FBN1: variants seen among roughly 807,000 people sequenced by gnomAD.
FBN1 encodes the protein fibrillin 1.
A neutral mutation model predicts 365.1 loss-of-function variants in FBN1; 29 were observed. That is an observed-to-expected ratio of 0.08 (90% CI 0.06 to 0.11). The LOEUF (loss-of-function observed/expected upper bound fraction) is 0.11. Ranked by LOEUF, FBN1 falls within the 10% of genes least tolerant of loss-of-function variation. FBN1 has a pLI of 1.00. For synonymous variants in FBN1, 1,210 were observed against 1,270.5 expected (o/e 0.95, Z 1.01); for missense variants, 2,476 against 3,703.2 (o/e 0.67, Z 8.60).
intron 7 of FBN1, 65 bp downstream of exon 7, chr15:48,537,546 T>C: frequency 3.8e-6 from 6 of 1,582,422 alleles, no homozygotes; most frequent in East Asian, 2.2e-5. Flanking sequence ...TTCAACTTCA[T>C]TGGAGAATGG....
At position 48,428,544 on chromosome 15, in the gene FBN1, C is replaced by T; in HGVS notation, c.6872-73G>A. ...ATTTTATAGAGGATGGAGCTCCTTC[C>T]TTCGTTCCTTCCTTCCTCCCTCCCT... On this transcript the variant is annotated intron_variant, in intron 56 of 65. Coordinates refer to ENST00000316623, the MANE Select transcript of FBN1 (RefSeq NM_000138.5). The T allele has an allele frequency of 3.2e-6, 5 of 1,544,550 alleles. No homozygotes were observed. The South Asian group carries it at 5.6e-5, about 17-fold the overall frequency.
chr15:48,572,396 C>T (rs1196273593), intron 6 of FBN1, among the ~76,000 whole-genome samples: 1 of 151,842 alleles, frequency 6.6e-6, no homozygotes. Context: ...AAAGGCCAAC[C>T]AAGTTTTCAA....
intron 40 of FBN1, 132 bp from the exon 41 acceptor site, chr15:48,464,153 A>G (rs2043302359): frequency 2.4e-6 from 2 of 827,888 alleles, no homozygotes; most frequent in Admixed American, 2.0e-5. Context: ...GAAAATAGGT[A>G]TTTCATTCAT....
chr15:48,637,926 G>A (rs777062128), intron 2 of FBN1, among the ~76,000 whole-genome samples: 4 of 152,154 alleles, frequency 2.6e-5, no homozygotes, highest in Admixed American at 6.5e-5. Flanking sequence ...GCTGCTGTAG[G>A]GAGAAAGCAG....
chr15:48,526,686 T>C (rs2043917849), intron 8 of FBN1, among the ~76,000 whole-genome samples: 1 of 152,192 alleles, frequency 6.6e-6, no homozygotes, highest in African/African-American at 2.4e-5. Flanking sequence ...ACAACGCGGA[T>C]ACTGGAATCC....
In FBN1 at chr15:48,441,704, C is replaced by G. The variant is rs1019459140; in HGVS notation, c.6163+17G>C. ...AACATGCAGCATTGAAAGCCCAAAG[C>G]CTTCAAAGACACTTACCTTGGCACC... On this transcript the variant is annotated intron_variant, in intron 50 of 65. Coordinates refer to ENST00000316623, the MANE Select transcript of FBN1 (RefSeq NM_000138.5). 9.9e-6 allele frequency: 16 copies of G among 1,613,294 alleles called. No individual in the cohort carries two copies. Among genetic ancestry groups the G allele is most frequent in the Non-Finnish European group, 1.3e-5 (15 of 1,179,514 alleles).
At chr15:48,461,510 AAAT>A (rs2043280100) in intron 42 of FBN1, among the ~76,000 whole-genome samples, 1 of 152,232 alleles carries the variant, frequency 6.6e-6, no homozygotes, top group African/African-American at 2.4e-5. Flanking sequence ...CAGCTCAGAA[AAAT>A]AATAAATGTA....
At chr15:48,486,518 C>T (rs966475770) in intron 29 of FBN1, among the ~76,000 whole-genome samples, 11 of 152,230 alleles carry the variant, frequency 7.2e-5, no homozygotes, top group Non-Finnish European at 1.6e-4. Flanking sequence ...TCTTGTCCCA[C>T]AAAAACCCAT....
intron 2 of FBN1, among the ~76,000 whole-genome samples, chr15:48,617,237 C>T (rs1171702407): frequency 1.3e-5 from 2 of 151,928 alleles, no homozygotes; most frequent in African/African-American, 2.4e-5. Flanking sequence ...TGCAACAGTG[C>T]GATCTCGGCT....
At position 48,452,649 on chromosome 15, in the gene FBN1, G is replaced by T; in HGVS notation, c.5458C>A (p.Arg1820Ser). 1 of 1,614,110 alleles carries T rather than the reference G, an allele frequency of 6.2e-7. No individual in the cohort carries two copies. Among genetic ancestry groups the T allele is most frequent in the Non-Finnish European group, 8.5e-7 (1 of 1,179,962 alleles). Residue 1820 changes from arginine (R) to serine (S), a missense_variant, in exon 45 of 66, where the codon CGC becomes AGC. This residue lies in a region of FBN1 where 1,780 missense variants were observed against 2,840.8 expected (regional missense o/e 0.63). Coordinates refer to ENST00000316623, the MANE Select transcript of FBN1 (RefSeq NM_000138.5). ...GCAGTGTTGATGCATTCGGCGTTGC[G>T]CTGGCACACTGGGCCGTTCTGACAC... ...DECQNGPVCQRNAECINTAGS... is the reference protein window; with the variant it reads ...DECQNGPVCQSNAECINTAGS...
chr15:48,471,148 A>G (rs953423565), intron 35 of FBN1, among the ~76,000 whole-genome samples: 10 of 152,004 alleles, frequency 6.6e-5, no homozygotes, highest in South Asian at 2.1e-4. Flanking sequence ...ACAAGCCACA[A>G]TGTCTTTCAG....
intron 4 of FBN1, among the ~76,000 whole-genome samples, chr15:48,610,305 A>G (rs983376141): frequency 6.6e-6 from 1 of 152,206 alleles, no homozygotes; most frequent in African/African-American, 2.4e-5. Flanking sequence ...TCTTCTTGTA[A>G]AGCAGGGGTC....
At chr15:48,508,745 T>C in intron 14 of FBN1, 41 bp from the exon 15 acceptor site, 1 of 1,611,116 alleles carries the variant, frequency 6.2e-7, no homozygotes, top group Non-Finnish European at 8.5e-7. Context: ...ACCAGAAGAG[T>C]AAGCTTACGA....
intron 47 of FBN1, 63 bp from the exon 48 acceptor site, chr15:48,445,567 T>A: frequency 6.4e-7 from 1 of 1,564,364 alleles, no homozygotes; most frequent in South Asian, 1.1e-5. Flanking sequence ...CCAGCAATAA[T>A]CAAAACTTCT....
At chr15:48,621,946 C>T (rs868318163) in intron 2 of FBN1, among the ~76,000 whole-genome samples, 2 of 150,220 alleles carry the variant, frequency 1.3e-5, no homozygotes, top group South Asian at 4.2e-4. Context: ...TGCAGTGAGC[C>T]GAGATTGTGC....
intron 2 of FBN1, among the ~76,000 whole-genome samples, chr15:48,631,038 C>T (rs922389549): frequency 3.3e-5 from 5 of 152,144 alleles, no homozygotes; most frequent in Non-Finnish European, 1.5e-5. Flanking sequence ...ATGTAGGGTG[C>T]AGCGTATAGG....
intron 6 of FBN1, among the ~76,000 whole-genome samples, chr15:48,558,368 G>C (rs1371815651): frequency 6.6e-6 from 1 of 152,066 alleles, no homozygotes; most frequent in Admixed American, 6.6e-5. Context: ...CAGGAGAGAG[G>C]GTTTAAATTA....
chr15:48,604,464 G>T (rs1292930195), intron 4 of FBN1, among the ~76,000 whole-genome samples: 5 of 152,188 alleles, frequency 3.3e-5, no homozygotes, highest in Non-Finnish European at 2.9e-5. Context: ...AACAGCAATG[G>T]CATTTCCCTT....
At position 48,644,762 on chromosome 15, in the gene FBN1, C is replaced by T. The variant is rs149929989; in HGVS notation, c.8G>A (p.Arg3Gln). The T allele has an allele frequency of 6.2e-7, 1 of 1,610,636 alleles. No individual in the cohort carries two copies. The highest frequency in any genetic ancestry group is 1.1e-5 in the South Asian group (1 of 91,076). ...CAGGGCGATCTCCAGCAGACGCCCTCGACGCATGATGCCGAGCCGCCACCG... is the reference window on the plus strand; with the variant it reads ...CAGGGCGATCTCCAGCAGACGCCCTTGACGCATGATGCCGAGCCGCCACCG... MRRGRLLEIALGF... is the reference protein window; with the variant it reads MRQGRLLEIALGF... Residue 3 changes from arginine (R) to glutamine (Q), a missense_variant, in exon 2 of 66, where the codon CGA becomes CAA. Around this residue, in one of 5 missense-constraint regions of FBN1, gnomAD observed 76 missense variants for 85.4 expected, o/e 0.89. Coordinates refer to ENST00000316623, the MANE Select transcript of FBN1 (RefSeq NM_000138.5).
Sources: gnomAD v4.1 joint callset for allele counts (sites outside exome capture counted in the v4.1 genomes callset) on GRCh38, gnomAD v4.1.1 for gene constraint, gnomAD v4.1.1 regional missense constraint, MANE v1.5 for transcripts, NCBI Gene and HGNC (gene_info 2026-07-23, HGNC 2026-07-21) for gene names.